The following ATP6V1H variants were observed in gnomAD, a reference collection of about 807,000 sequenced individuals.
ATP6V1H encodes ATPase H+ transporting V1 subunit H.
A neutral mutation model predicts 71.7 loss-of-function variants in ATP6V1H; 39 were observed. The ratio of observed to expected loss-of-function variants is 0.54; its 90% CI spans 0.42 to 0.71. The LOEUF is 0.71. Among genes scored for constraint, ATP6V1H ranks in the 30% least tolerant of loss-of-function variants. The pLI, the probability that ATP6V1H is intolerant of heterozygous loss-of-function variation, is 0.00. For missense variants in ATP6V1H, 509 were observed against 594.9 expected (o/e 0.86, Z 1.50); for synonymous variants, 192 against 199.3 (o/e 0.96, Z 0.31).
intron 7 of ATP6V1H, among the ~76,000 whole-genome samples, chr8:53,803,778 T>C (rs769810381): frequency 3.3e-5 from 5 of 151,910 alleles, no homozygotes; most frequent in Non-Finnish European, 7.4e-5. Context: ...AATGAAAAAA[T>C]ATTTTTTTTT....
At chr8:53,826,478 G>T (rs2130509323) in intron 4 of ATP6V1H, among the ~76,000 whole-genome samples, 1 of 152,260 alleles carries the variant, frequency 6.6e-6, no homozygotes, top group East Asian at 1.9e-4. Context: ...AAACAGAACA[G>T]GGAGATGAGA....
intron 9 of ATP6V1H, among the ~76,000 whole-genome samples, chr8:53,794,435 G>A (rs923684704): frequency 2.6e-5 from 4 of 151,832 alleles, no homozygotes; most frequent in Non-Finnish European, 4.4e-5. Context: ...GCGCGATCTC[G>A]GCTCACTGCA....
chr8:53,721,801 A>G (rs1205692024), intron 13 of ATP6V1H, among the ~76,000 whole-genome samples: 2 of 152,220 alleles, frequency 1.3e-5, no homozygotes, highest in Non-Finnish European at 2.9e-5. Context: ...TCCTCAATTT[A>G]TTTTCTCAAA....
At chr8:53,727,919 G>A (rs1393458864) in intron 13 of ATP6V1H, among the ~76,000 whole-genome samples, 5 of 152,094 alleles carry the variant, frequency 3.3e-5, no homozygotes, top group Admixed American at 1.3e-4. Flanking sequence ...TGACTCATTC[G>A]CCACCAGCTC....
chr8:53,796,637 C>T (rs546255255), intron 8 of ATP6V1H, among the ~76,000 whole-genome samples: 3 of 152,120 alleles, frequency 2.0e-5, no homozygotes, highest in Admixed American at 1.3e-4. Context: ...ATAGAATGTA[C>T]AACACAAAGA....
rs980177045 is a variant in ATP6V1H, at chr8:53,784,907, A to G, written c.870+10740T>C. The stretch of plus-strand genomic sequence containing the variant: ...TTGTAGAGTTTCTGCCGAGAGATCC[A>G]CTGTTAGTCTGATGGGCTTCCCTTT... On this transcript the variant is annotated intron_variant, in intron 9 of 13. Transcript: ENST00000359530. 2.2e-3 allele frequency among the ~76,000 whole-genome samples: 334 copies of G among 152,188 alleles called. 1 individual carries two copies. The highest frequency in any genetic ancestry group is 7.7e-3 in the African/African-American group (320 of 41,504).
chr8:53,772,676 G>A (rs547764542), intron 9 of ATP6V1H, among the ~76,000 whole-genome samples: 18 of 152,110 alleles, frequency 1.2e-4, no homozygotes, highest in South Asian at 1.0e-3. Flanking sequence ...AAAGTTTTGC[G>A]ACATTCGGGC....
In ATP6V1H at chr8:53,801,808, C is replaced by A; in HGVS notation, c.668G>T (p.Gly223Val). The A allele has an allele frequency of 6.2e-7, 1 of 1,613,610 alleles. No individual in the cohort carries two copies. The highest frequency in any genetic ancestry group is 8.5e-7 in the Non-Finnish European group (1 of 1,179,758). Reference sequence around the variant, plus strand: ...AGGAAAGGGCACTCACCAATTTACCCCATCTGCTTCCACCCAAGCAAAGCG... The same window carrying A: ...AGGAAAGGGCACTCACCAATTTACCACATCTGCTTCCACCCAAGCAAAGCG... Reference protein sequence around the residue: ...EYRFAWVEADGVNCIMGVLSN... With the variant: ...EYRFAWVEADVVNCIMGVLSN... The change falls in exon 8 of 14, where the codon GGG becomes GTG. Residue 223 changes from glycine to valine, a missense_variant. Around this residue, in one of 2 missense-constraint regions of ATP6V1H, gnomAD observed 297 missense variants for 303.3 expected, o/e 0.98. Coordinates refer to ENST00000359530, the MANE Select transcript of ATP6V1H (RefSeq NM_015941.4).
intron 9 of ATP6V1H, among the ~76,000 whole-genome samples, chr8:53,795,405 A>G (rs1809694660): frequency 6.6e-6 from 1 of 152,140 alleles, no homozygotes. Context: ...ACATAATCCA[A>G]TTGCATTTCC....
intron 8 of ATP6V1H, 116 bp from the exon 9 acceptor site, chr8:53,795,955 T>C: frequency 2.2e-6 from 2 of 913,604 alleles, no homozygotes; most frequent in South Asian, 3.6e-5. Context: ...GTCCTGTTTC[T>C]TTTCTGCCAG....
In ATP6V1H at chr8:53,797,196, G is replaced by A. The variant is rs76873213; in HGVS notation, c.678-1357C>T. Among the ~76,000 whole-genome samples, 895 of 152,260 alleles carry A rather than the reference G, an allele frequency of 5.9e-3. 13 individuals carry two copies. The highest frequency in any genetic ancestry group is 0.02 in the African/African-American group (835 of 41,554). On this transcript the variant is annotated intron_variant, in intron 8 of 13. Coordinates refer to ENST00000359530, the MANE Select transcript of ATP6V1H (RefSeq NM_015941.4). The stretch of plus-strand genomic sequence containing the variant: ...CTGAGACCCTGAAAACCACATTTCT[G>A]TTCTACCAGTTGGCTCCATGTTAGG...
chr8:53,820,087 T>G (rs1810597519), intron 4 of ATP6V1H, among the ~76,000 whole-genome samples: 1 of 151,724 alleles, frequency 6.6e-6, no homozygotes, highest in Non-Finnish European at 1.5e-5. Flanking sequence ...GATGATAAAG[T>G]GCATCTGAAA....
intron 2 of ATP6V1H, among the ~76,000 whole-genome samples, chr8:53,839,178 C>T (rs2130546646): frequency 6.6e-6 from 1 of 152,352 alleles, no homozygotes; most frequent in Non-Finnish European, 1.5e-5. Context: ...TAACTACAAA[C>T]ATTCCAAATG....
At chr8:53,801,490 T>C (rs1809907107) in intron 8 of ATP6V1H, among the ~76,000 whole-genome samples, 1 of 152,210 alleles carries the variant, frequency 6.6e-6, no homozygotes, top group African/African-American at 2.4e-5. Context: ...GTAAGAACTT[T>C]TCTTGTTGAT....
rs939353566 is a variant in ATP6V1H at position 53,796,608 on chromosome 8, G to A, written c.678-769C>T. The stretch of plus-strand genomic sequence containing the variant: ...TTTAAAAAGAAAAAAAGACCAAAGG[G>A]GTTAAGAGCTCGAAGACCATAGAAT... On this transcript the variant is annotated intron_variant, in intron 8 of 13. Transcript: ENST00000359530. Among the ~76,000 whole-genome samples, 49 of 151,912 alleles carry A rather than the reference G, an allele frequency of 3.2e-4. 1 individual carries two copies. The highest frequency in any genetic ancestry group is 3.2e-3 in the Admixed American group (49 of 15,232).
At chr8:53,803,207 T>C (rs1320762636) in intron 7 of ATP6V1H, among the ~76,000 whole-genome samples, 2 of 151,856 alleles carry the variant, frequency 1.3e-5, no homozygotes, top group African/African-American at 4.8e-5. Context: ...TGTGGTGGCG[T>C]GCACCTGCAA....
intron 9 of ATP6V1H, among the ~76,000 whole-genome samples, chr8:53,775,640 T>C (rs1029936285): frequency 6.6e-5 from 10 of 151,864 alleles, no homozygotes; most frequent in East Asian, 1.9e-4. Flanking sequence ...AGGGTGCTGA[T>C]TGGTGTGTTT....
At chr8:53,716,981 T>A (rs1047975260) in intron 13 of ATP6V1H, among the ~76,000 whole-genome samples, 8 of 152,230 alleles carry the variant, frequency 5.3e-5, no homozygotes, top group African/African-American at 1.9e-4. Flanking sequence ...CTCCATGACC[T>A]CCTGGGTATT....
chr8:53,785,834 C>T (rs1471236750), intron 9 of ATP6V1H, among the ~76,000 whole-genome samples: 10 of 152,188 alleles, frequency 6.6e-5, no homozygotes, highest in East Asian at 1.9e-4. Context: ...GTATCAGCAG[C>T]GGTGGCTGCA....
Sources: allele counts gnomAD v4.1 joint callset (sites outside exome capture counted in the v4.1 genomes callset), GRCh38; gene constraint gnomAD v4.1.1; regional missense constraint gnomAD v4.1.1; transcripts MANE v1.5; gene names NCBI Gene and HGNC (gene_info 2026-07-23, HGNC 2026-07-21).